The following ETNPPL variants were observed in gnomAD, a reference collection of about 807,000 sequenced individuals.
ETNPPL encodes the protein ethanolamine-phosphate phospho-lyase.
ETNPPL carries 30 observed loss-of-function variants against 55.5 expected under a neutral mutation model. The ratio of observed to expected loss-of-function variants is 0.54; its 90% CI spans 0.40 to 0.73. The LOEUF is 0.73. Ranked by LOEUF, ETNPPL falls within the 30% of genes least tolerant of loss-of-function variation. The pLI is 0.00. For synonymous variants in ETNPPL, 202 were observed against 207.2 expected (o/e 0.98, Z 0.21); for missense variants, 528 against 607.9 (o/e 0.87, Z 1.38).
Position 108,742,387 on chromosome 4 carries a change from C to A in ETNPPL, c.*97G>T. ...ATTTATGAATCTAAACTGACAATTCCACCTTTAGAGGTATAATAGAGCTAT... is the reference window on the plus strand; with the variant it reads ...ATTTATGAATCTAAACTGACAATTCAACCTTTAGAGGTATAATAGAGCTAT... On this transcript the variant is annotated 3_prime_UTR_variant, in exon 13 of 13. Coordinates refer to ENST00000296486, the MANE Select transcript of ETNPPL (RefSeq NM_031279.4). 3 of 1,242,354 alleles carry A rather than the reference C, an allele frequency of 2.4e-6. No homozygotes were observed. In the South Asian group the frequency reaches 4.2e-5, roughly 17 times the overall value. 77.0% of individuals were successfully genotyped at this position (1,242,354 alleles called of 1,614,324 possible). A position where few individuals can be genotyped will look rare whatever the true frequency, so the allele number is the denominator to read the frequency against.
Position 108,753,749 on chromosome 4 carries a change from T to TAAGAAAGAAAGAAAGAAAGAA in ETNPPL, c.502-759_502-739dup, listed in dbSNP as rs1729028227. 1.6e-4 allele frequency among the ~76,000 whole-genome samples: 12 copies of TAAGAAAGAAAGAAAGAAAGAA among 76,766 alleles called. No individual in the cohort carries two copies. The South Asian group carries it at 2.2e-3, about 14-fold the overall frequency. 50.4% of individuals were successfully genotyped at this position (76,766 alleles called of 152,430 possible). A position where few individuals can be genotyped will look rare whatever the true frequency, so the allele number is the denominator to read the frequency against. On this transcript the variant is annotated intron_variant, in intron 5 of 12. Transcript: ENST00000296486. ...AAAATGAGACTCCGTCTCAAATAAA[T>TAAGAAAGAAAGAAAGAAAGAA]AAGAAAGAAAGAAAGAAAGAAAGAA...
intron 11 of ETNPPL, among the ~76,000 whole-genome samples, chr4:108,745,646 T>C (rs1042356093): frequency 6.6e-6 from 1 of 151,594 alleles, no homozygotes; most frequent in Non-Finnish European, 1.5e-5. Context: ...AAATGCAAAG[T>C]TAGGCTGGAC....
At chr4:108,762,632 G>A (rs901789636) in intron 1 of ETNPPL, 9 of 668,566 alleles carry the variant, frequency 1.3e-5, no homozygotes, top group Non-Finnish European at 2.4e-5. Context: ...TTTCGAGCGG[G>A]CAGGAAGCCC....
At position 108,762,832 on chromosome 4, in the gene ETNPPL, G is replaced by A; in HGVS notation, c.56+11C>T. ...CTCTCTGCACTTACTTCCGGGCCAGGGTGCCCTTACCCGATGTGCTTCTTC... is the reference window on the plus strand; with the variant it reads ...CTCTCTGCACTTACTTCCGGGCCAGAGTGCCCTTACCCGATGTGCTTCTTC... On this transcript the variant is annotated intron_variant, in intron 1 of 12. Transcript: ENST00000296486. The A allele has an allele frequency of 1.2e-6, 2 of 1,613,970 alleles. No individual in the cohort carries two copies. The highest frequency in any genetic ancestry group is 1.7e-6 in the Non-Finnish European group (2 of 1,179,832).
In ETNPPL at chr4:108,762,877, G is replaced by T. The variant is rs1729587254; in HGVS notation, c.22C>A (p.Arg8=). The T allele has an allele frequency of 7.4e-6, 12 of 1,614,082 alleles. No homozygotes were observed. Among genetic ancestry groups the T allele is most frequent in the Non-Finnish European group, 8.5e-6 (10 of 1,179,938 alleles). The part of the protein sequence containing the change: MCELYSK[R]DTLGLRKKHI... The stretch of plus-strand genomic sequence containing the variant: ...TTCTTCCTCAGCCCCAGAGTGTCCC[G>T]CTTACTGTACAGCTCGCACATGGTG... The change falls in exon 1 of 13, where the codon CGG becomes AGG. Residue 8 remains arginine (R), a synonymous_variant. Coordinates refer to ENST00000296486, the MANE Select transcript of ETNPPL (RefSeq NM_031279.4).
chr4:108,762,969 C>G lies in ETNPPL; in HGVS notation c.-71G>C. On this transcript the variant is annotated 5_prime_UTR_variant, in exon 1 of 13. Coordinates refer to ENST00000296486, the MANE Select transcript of ETNPPL (RefSeq NM_031279.4). ...GCGCGCCTCCTACGCGAGCCTGGGA[C>G]TGCCTTGGCGGCCCCGGCCGGCCTT... The G allele has an allele frequency of 6.6e-7, 1 of 1,506,808 alleles. No individual in the cohort carries two copies. The highest frequency in any genetic ancestry group is 9.2e-7 in the Non-Finnish European group (1 of 1,087,322). The allele number at this position is 1,506,808 out of a possible 1,614,324, so 93.3% of individuals were successfully genotyped here.
chr4:108,747,568 G>A (rs1728667833), intron 9 of ETNPPL, among the ~76,000 whole-genome samples: 13 of 151,640 alleles, frequency 8.6e-5, no homozygotes, highest in Admixed American at 8.6e-4. Flanking sequence ...CCAAGGTGCT[G>A]GGATTACAGA....
chr4:108,748,758 A>C (rs1728743921), intron 8 of ETNPPL, among the ~76,000 whole-genome samples: 2 of 152,306 alleles, frequency 1.3e-5, no homozygotes, highest in Admixed American at 1.3e-4. Flanking sequence ...TGGAAATTTA[A>C]GTATGATATG....
At position 108,749,587 on chromosome 4, in the gene ETNPPL, A is replaced by G. The variant is rs1164561973; in HGVS notation, c.702-124T>C. 4.5e-6 allele frequency: 3 copies of G among 672,130 alleles called. No homozygotes were observed. The African/African-American group carries it at 5.4e-5, about 12-fold the overall frequency. The allele number at this position is 672,130 out of a possible 1,614,324, so 41.6% of individuals were successfully genotyped here. A position where few individuals can be genotyped will look rare whatever the true frequency, so the allele number is the denominator to read the frequency against. On this transcript the variant is annotated intron_variant, in intron 7 of 12. Coordinates refer to ENST00000296486, the MANE Select transcript of ETNPPL (RefSeq NM_031279.4). ...TAACCTGAAGCCTTAATTTTTCTTA[A>G]AAAACATTTCAGTACTCTAAACCCC... is the stretch of plus-strand genomic sequence containing the variant.
At chr4:108,743,043 C>G (rs995489985) in intron 12 of ETNPPL, among the ~76,000 whole-genome samples, 3 of 152,100 alleles carry the variant, frequency 2.0e-5, no homozygotes, top group African/African-American at 7.2e-5. Context: ...ATGCTGTTAG[C>G]GAATCACTTG....
At chr4:108,752,478 G>A (rs1048639013) in intron 6 of ETNPPL, among the ~76,000 whole-genome samples, 1 of 152,172 alleles carries the variant, frequency 6.6e-6, no homozygotes, top group Non-Finnish European at 1.5e-5. Context: ...ACCAGCCCCA[G>A]GCTCCATGGC....
chr4:108,756,357 A>G, intron 4 of ETNPPL, 61 bp downstream of exon 4: 1 of 1,125,458 alleles, frequency 8.9e-7, no homozygotes, highest in Non-Finnish European at 1.4e-6. Context: ...TATGGATAGG[A>G]TCAATACAAT....
chr4:108,746,556 G>C (rs1314713310), intron 10 of ETNPPL, 27 bp from the exon 11 acceptor site: 1 of 1,607,738 alleles, frequency 6.2e-7, no homozygotes, highest in Non-Finnish European at 8.5e-7. Flanking sequence ...ATACATGTGA[G>C]TGTATGCAAA....
At chr4:108,747,104 AATG>A (rs1450343054) in intron 9 of ETNPPL, among the ~76,000 whole-genome samples, 1 of 126,286 alleles carries the variant, frequency 7.9e-6, no homozygotes, top group African/African-American at 2.9e-5. Context: ...TCAGGATGTT[AATG>A]ATGATAAATG....
In ETNPPL at chr4:108,750,559, T is replaced by C. The variant is rs1270716284; in HGVS notation, c.701+377A>G. ...TGATATATATACGATATATATGATA[T>C]GTGATATATATACAATATATATGAT... On this transcript the variant is annotated intron_variant, in intron 7 of 12. Coordinates refer to ENST00000296486, the MANE Select transcript of ETNPPL (RefSeq NM_031279.4). Among the ~76,000 whole-genome samples the C allele has an allele frequency of 2.0e-5, 3 of 147,286 alleles. No homozygotes were observed. In the East Asian group the frequency reaches 6.4e-4, roughly 31 times the overall value.
intron 6 of ETNPPL, 94 bp from the exon 7 acceptor site, chr4:108,751,112 G>C: frequency 2.4e-6 from 2 of 825,056 alleles, no homozygotes; most frequent in South Asian, 3.0e-5. Context: ...TTTAAAAATG[G>C]CTAGGAATAG....
In ETNPPL at chr4:108,759,746, T is replaced by G; in HGVS notation, c.335+3A>C. 6.2e-7 allele frequency: 1 copy of G among 1,613,912 alleles called. No homozygotes were observed. ...GGGAGGGGTGGGAAACCATGAAGCA[T>G]ACCCTGAATTTGTAAAATAACAAAC... is the stretch of plus-strand genomic sequence containing the variant. On this transcript the variant is annotated splice_donor_region_variant and intron_variant, in intron 3 of 12. Coordinates refer to ENST00000296486, the MANE Select transcript of ETNPPL (RefSeq NM_031279.4).
chr4:108,748,139 AGATACTG>A lies in ETNPPL; in HGVS notation c.941_947del (p.Pro314LeufsTer11). The A allele has an allele frequency of 6.3e-7, 1 of 1,598,644 alleles. No individual in the cohort carries two copies. Among genetic ancestry groups the A allele is most frequent in the Non-Finnish European group, 8.5e-7 (1 of 1,175,992 alleles). Reference sequence around the variant, plus strand: ...CCAGGACAGCCAAACCAACAGCACAAGATACTGGATTTCCTCCATACTGTAAAAAAAA... The same window carrying A: ...CCAGGACAGCCAAACCAACAGCACAAGATTTCCTCCATACTGTAAAAAAAA... On this transcript the variant is annotated frameshift_variant, in exon 9 of 13. Coordinates refer to ENST00000296486, the MANE Select transcript of ETNPPL (RefSeq NM_031279.4). LOFTEE classifies it high-confidence loss of function.
intron 3 of ETNPPL, among the ~76,000 whole-genome samples, chr4:108,757,293 C>T (rs571759615): frequency 2.0e-5 from 3 of 152,176 alleles, no homozygotes; most frequent in Admixed American, 1.3e-4. Flanking sequence ...GGAATGTTTA[C>T]TATCCGTTAA....
Sources: allele counts gnomAD v4.1 joint callset (sites outside exome capture counted in the v4.1 genomes callset), GRCh38; gene constraint gnomAD v4.1.1; transcripts MANE v1.5; gene names NCBI Gene and HGNC (gene_info 2026-07-23, HGNC 2026-07-21).